The following MPP7 variants were observed in gnomAD, a reference collection of about 807,000 sequenced individuals.
MPP7 encodes the protein MAGUK p55 scaffold protein 7.
MPP7 carries 60 observed loss-of-function variants against 76.5 expected under a neutral mutation model. That is an observed-to-expected ratio of 0.78 (90% confidence interval 0.64 to 0.97). The LOEUF is 0.97. Among genes scored for constraint, MPP7 ranks in the 50% least tolerant of loss-of-function variants. The pLI, the probability that MPP7 is intolerant of heterozygous loss-of-function variation, is 0.00. For missense variants in MPP7, 641 were observed against 694.0 expected (o/e 0.92, Z 0.86); for synonymous variants, 237 against 244.5 (o/e 0.97, Z 0.29).
At chr10:28,075,924 C>T (rs540428406) in intron 12 of MPP7, among the ~76,000 whole-genome samples, 3 of 152,218 alleles carry the variant, frequency 2.0e-5, no homozygotes, top group Non-Finnish European at 4.4e-5. Context: ...AAATTGAAGG[C>T]CCTAGTTAGA....
At chr10:28,099,665 G>T (rs1051905486) in intron 11 of MPP7, among the ~76,000 whole-genome samples, 1 of 152,116 alleles carries the variant, frequency 6.6e-6, no homozygotes, top group Admixed American at 6.5e-5. Flanking sequence ...AAATCAGCCG[G>T]ATGTGGTGGT....
chr10:28,177,028 TA>T (rs572710425), intron 3 of MPP7, among the ~76,000 whole-genome samples: 133 of 136,642 alleles, frequency 9.7e-4, no homozygotes, highest in Middle Eastern at 3.7e-3. Context: ...AAGTATAATT[TA>T]AAAAAAAAAA....
intron 3 of MPP7, among the ~76,000 whole-genome samples, chr10:28,159,582 G>A (rs1836187995): frequency 6.6e-6 from 1 of 152,138 alleles, no homozygotes; most frequent in Admixed American, 6.6e-5. Flanking sequence ...CGCTGCTTTG[G>A]TTGAAGTTCA....
chr10:28,164,113 C>T (rs1367066295), intron 3 of MPP7, among the ~76,000 whole-genome samples: 2 of 151,918 alleles, frequency 1.3e-5, no homozygotes, highest in African/African-American at 2.4e-5. Context: ...AAAGAAAGAT[C>T]GAGACCGAAG....
At chr10:28,107,878 G>T (rs1299230852) in intron 11 of MPP7, among the ~76,000 whole-genome samples, 1 of 152,178 alleles carries the variant, frequency 6.6e-6, no homozygotes, top group Non-Finnish European at 1.5e-5. Context: ...GGTGATGTAG[G>T]GGGAGGTGTT....
chr10:28,221,466 G>A (rs1183176879), intron 2 of MPP7, among the ~76,000 whole-genome samples: 1 of 152,146 alleles, frequency 6.6e-6, no homozygotes, highest in Admixed American at 6.5e-5. Flanking sequence ...AGATAAGAGT[G>A]GCACTTCAAA....
At chr10:28,108,092 A>C (rs992328969) in intron 11 of MPP7, among the ~76,000 whole-genome samples, 4 of 152,232 alleles carry the variant, frequency 2.6e-5, no homozygotes, top group Non-Finnish European at 4.4e-5. Flanking sequence ...TAAAAGACAC[A>C]GTACAAATAT....
At chr10:28,282,229 T>C (rs1274652556) in intron 1 of MPP7, 1 of 152,064 alleles carries the variant, frequency 6.6e-6, no homozygotes, top group Non-Finnish European at 1.5e-5. Flanking sequence ...CTCAGTATAT[T>C]GTCTCTTTTC....
chr10:28,119,665 GA>G lies in MPP7; in HGVS notation c.937del (p.Ser313ProfsTer45). 1 of 1,613,558 alleles carries G rather than the reference GA, an allele frequency of 6.2e-7. No individual in the cohort carries two copies. The highest frequency in any genetic ancestry group is 8.5e-7 in the Non-Finnish European group (1 of 1,179,668). On this transcript the variant is annotated frameshift_variant, in exon 11 of 17. Coordinates refer to ENST00000683449, the MANE Select transcript of MPP7 (RefSeq NM_001318170.2). LOFTEE classifies it high-confidence loss of function. ...PEILVQPLKV[S>X]NRKSSGFRKS... The stretch of plus-strand genomic sequence containing the variant: ...AACAAACTTACATGATTTCCTGTTG[GA>G]AACTTTCAGGGGCTGAACCAATATT...
chr10:28,328,095 C>G (rs868607150), intron 2 of MPP7, among the ~76,000 whole-genome samples: 10 of 152,024 alleles, frequency 6.6e-5, no homozygotes, highest in African/African-American at 1.9e-4. Context: ...ACTTCTAGTG[C>G]TTCATTAATA....
chr10:28,163,819 G>A (rs938523539), intron 3 of MPP7, among the ~76,000 whole-genome samples: 13 of 151,162 alleles, frequency 8.6e-5, no homozygotes, highest in Admixed American at 6.6e-4. Flanking sequence ...GTGATGGCAG[G>A]AGAATCGCTT....
intron 2 of MPP7, among the ~76,000 whole-genome samples, chr10:28,227,819 C>T (rs1838747472): frequency 1.3e-5 from 2 of 152,254 alleles, no homozygotes; most frequent in South Asian, 4.2e-4. Flanking sequence ...GACTTATATT[C>T]CTTTGGGTAT....
chr10:28,324,076 C>CTA (rs1490757093), intron 2 of MPP7, among the ~76,000 whole-genome samples: 3 of 152,130 alleles, frequency 2.0e-5, no homozygotes, highest in African/African-American at 7.2e-5. Flanking sequence ...GACGGTCTGT[C>CTA]TACTGCCAAA....
Position 28,054,008 on chromosome 10 carries a change from G to T in MPP7, c.*57C>A. On this transcript the variant is annotated 3_prime_UTR_variant, in exon 17 of 17. Transcript: ENST00000683449. ...ATTTAAAAACCCTACTACCAAAACT[G>T]TAATTGATTTCATCATGCACTCTAT... 7.5e-7 allele frequency: 1 copy of T among 1,329,000 alleles called. No individual in the cohort carries two copies. Among genetic ancestry groups the T allele is most frequent in the Non-Finnish European group, 1.1e-6 (1 of 937,172 alleles). The allele number at this position is 1,329,000 out of a possible 1,614,324, so 82.3% of individuals were successfully genotyped here. A position where few individuals can be genotyped will look rare whatever the true frequency, so the allele number is the denominator to read the frequency against.
chr10:28,158,501 C>T (rs1836145508), intron 3 of MPP7, among the ~76,000 whole-genome samples: 1 of 152,112 alleles, frequency 6.6e-6, no homozygotes, highest in Non-Finnish European at 1.5e-5. Context: ...TCATAGAGAA[C>T]AGGGGTACAG....
At chr10:28,197,910 C>A (rs1420249571) in intron 3 of MPP7, among the ~76,000 whole-genome samples, 2 of 152,002 alleles carry the variant, frequency 1.3e-5, no homozygotes, top group Non-Finnish European at 2.9e-5. Context: ...TATGTAACCC[C>A]CAAAATTAAA....
chr10:28,282,986 G>A (rs1020493995), intron 1 of MPP7, among the ~76,000 whole-genome samples: 1 of 151,954 alleles, frequency 6.6e-6, no homozygotes, highest in Non-Finnish European at 1.5e-5. Context: ...GCGCACAGTG[G>A]AAAGTAACTT....
At chr10:28,267,271 C>A (rs1840176887) in intron 1 of MPP7, among the ~76,000 whole-genome samples, 1 of 152,174 alleles carries the variant, frequency 6.6e-6, no homozygotes, top group South Asian at 2.1e-4. Flanking sequence ...CTAACCTCTG[C>A]ATTAGTTGGA....
intron 2 of MPP7, among the ~76,000 whole-genome samples, chr10:28,309,992 C>G (rs967831335): frequency 6.9e-6 from 1 of 144,026 alleles, no homozygotes; most frequent in Non-Finnish European, 1.5e-5. Flanking sequence ...GGAGCCAATG[C>G]CAATTAAACC....
Sources: gnomAD v4.1 joint callset for allele counts (sites outside exome capture counted in the v4.1 genomes callset) on GRCh38, gnomAD v4.1.1 for gene constraint, MANE v1.5 for transcripts, NCBI Gene and HGNC (gene_info 2026-07-23, HGNC 2026-07-21) for gene names.